The following GNAZ variants were observed in gnomAD, a reference collection of about 807,000 sequenced individuals.
GNAZ encodes the protein guanine nucleotide-binding protein G(z) subunit alpha.
Under a neutral mutation model 25.4 loss-of-function variants are expected in GNAZ, and 3 were observed. That is an observed-to-expected ratio of 0.12 (90% CI 0.05 to 0.30). GNAZ has a LOEUF of 0.30. Among genes scored for constraint, GNAZ ranks in the 10% least tolerant of loss-of-function variants. The pLI is 1.00. For synonymous variants in GNAZ, 211 were observed against 205.7 expected, an observed-to-expected ratio of 1.03 and a Z score of -0.22; for missense variants, 241 against 501.8, an observed-to-expected ratio of 0.48 and a Z score of 4.97.
intron 1 of GNAZ, among the ~76,000 whole-genome samples, chr22:23,090,489 C>T (rs1373412652): frequency 1.3e-5 from 2 of 152,174 alleles, no homozygotes; most frequent in Non-Finnish European, 2.9e-5. Flanking sequence ...TCACACAGGG[C>T]AGGTCATGGC....
intron 2 of GNAZ, 97 bp downstream of exon 2, chr22:23,096,515 A>G: frequency 1.5e-6 from 2 of 1,306,918 alleles, no homozygotes; most frequent in East Asian, 2.3e-5. Flanking sequence ...TGCAGCCAGA[A>G]AGGGAACCAG....
intron 2 of GNAZ, among the ~76,000 whole-genome samples, chr22:23,109,397 C>T (rs1178049203): frequency 1.3e-5 from 2 of 152,198 alleles, no homozygotes; most frequent in African/African-American, 4.8e-5. Context: ...GGATCAGCTG[C>T]TGCTCCTCTC....
At chr22:23,119,693 G>A (rs575678239) in intron 2 of GNAZ, among the ~76,000 whole-genome samples, 2 of 152,350 alleles carry the variant, frequency 1.3e-5, no homozygotes, top group South Asian at 4.1e-4. Context: ...GGGACGCTGG[G>A]ATGGAGTGAG....
Position 23,123,777 on chromosome 22 carries a change from G to T in GNAZ, c.*346G>T. ...CTGAGTTGGCCCCACTCCACTTGGG[G>T]GTCTGCATTGGATTGTTAGGGATAG... is the stretch of plus-strand genomic sequence containing the variant. On this transcript the variant is annotated 3_prime_UTR_variant, in exon 3 of 3. Coordinates refer to ENST00000615612, the MANE Select transcript of GNAZ (RefSeq NM_002073.4). The T allele has an allele frequency of 3.3e-6, 1 of 301,506 alleles. No homozygotes were observed. Among genetic ancestry groups the T allele is most frequent in the Non-Finnish European group, 6.3e-6 (1 of 159,042 alleles). The allele number at this position is 301,506 out of a possible 1,614,324, so 18.7% of individuals were successfully genotyped here. A position where few individuals can be genotyped will look rare whatever the true frequency, so the allele number is the denominator to read the frequency against.
At chr22:23,107,242 C>T (rs1445056689) in intron 2 of GNAZ, among the ~76,000 whole-genome samples, 2 of 152,280 alleles carry the variant, frequency 1.3e-5, no homozygotes, top group East Asian at 3.9e-4. Flanking sequence ...CTGGACTCGG[C>T]TGGAACACAC....
chr22:23,093,072 A>C (rs1446856168), intron 1 of GNAZ, among the ~76,000 whole-genome samples: 5 of 152,250 alleles, frequency 3.3e-5, no homozygotes, highest in Non-Finnish European at 5.9e-5. Context: ...CAGGGTCTCC[A>C]TCCTCCATGC....
chr22:23,122,023 G>A (rs1190717233), intron 2 of GNAZ, among the ~76,000 whole-genome samples: 16 of 152,176 alleles, frequency 1.1e-4, no homozygotes, highest in East Asian at 1.9e-4. Flanking sequence ...GAGCCACGGC[G>A]CCTGGCCAGA....
At chr22:23,094,435 G>A (rs2069067086) in intron 1 of GNAZ, among the ~76,000 whole-genome samples, 1 of 152,184 alleles carries the variant, frequency 6.6e-6, no homozygotes, top group Admixed American at 6.5e-5. Flanking sequence ...GATTCTGCCT[G>A]AGGCCTCTAG....
chr22:23,113,581 C>G (rs149003838), intron 2 of GNAZ, among the ~76,000 whole-genome samples: 1 of 152,370 alleles, frequency 6.6e-6, no homozygotes, highest in African/African-American at 2.4e-5. Context: ...CGACTGATAC[C>G]ATCCTTGGAG....
rs1234589947 is a variant in GNAZ at position 23,071,645 on chromosome 22, C to G, written c.-450+1075C>G. On this transcript the variant is annotated intron_variant, in intron 1 of 2. Transcript: ENST00000615612. The surrounding 1 kb of genome is among the most constrained non-coding windows in gnomAD (Gnocchi z 4.1). ...GTGGACTGGGCCTGCCCTCCCAGGACTGATTGACCACCGCATAGGGGAAAA... is the reference window on the plus strand; with the variant it reads ...GTGGACTGGGCCTGCCCTCCCAGGAGTGATTGACCACCGCATAGGGGAAAA... Among the ~76,000 whole-genome samples the G allele has an allele frequency of 1.3e-5, 2 of 152,168 alleles. No individual in the cohort carries two copies. Among genetic ancestry groups the G allele is most frequent in the East Asian group, 3.9e-4 (2 of 5,182 alleles).
At chr22:23,120,651 CTG>C (rs1459025778) in intron 2 of GNAZ, among the ~76,000 whole-genome samples, 1 of 152,148 alleles carries the variant, frequency 6.6e-6, no homozygotes, top group Non-Finnish European at 1.5e-5. Flanking sequence ...AGCACCCACT[CTG>C]TGCTTGTCCC....
At chr22:23,096,764 C>T (rs2069137238) in intron 2 of GNAZ, among the ~76,000 whole-genome samples, 1 of 152,250 alleles carries the variant, frequency 6.6e-6, no homozygotes, top group South Asian at 2.1e-4. Context: ...GGTCCAGGAA[C>T]AGCAGCCACC....
intron 1 of GNAZ, among the ~76,000 whole-genome samples, chr22:23,087,585 C>T (rs1292378138): frequency 1.3e-5 from 2 of 152,110 alleles, no homozygotes; most frequent in Admixed American, 6.5e-5. Context: ...TGCAGGAGAC[C>T]GGAGTGTTAT....
intron 1 of GNAZ, among the ~76,000 whole-genome samples, chr22:23,088,117 A>T (rs1047913457): frequency 2.0e-5 from 3 of 152,224 alleles, no homozygotes; most frequent in Non-Finnish European, 2.9e-5. Flanking sequence ...GAGTCAGTTA[A>T]ATCTCTTTCA....
chr22:23,076,434 G>A (rs2068509372), intron 1 of GNAZ, among the ~76,000 whole-genome samples: 4 of 152,166 alleles, frequency 2.6e-5, no homozygotes, highest in Admixed American at 2.0e-4. Context: ...CTCGTGCGCT[G>A]CAGAACCCCT....
At position 23,118,907 on chromosome 22, in the gene GNAZ, A is replaced by G. The variant is rs139384444; in HGVS notation, c.724-4180A>G. Among the ~76,000 whole-genome samples the G allele has an allele frequency of 6.1e-3, 932 of 152,350 alleles. 7 individuals carry two copies. The highest frequency in any genetic ancestry group is 0.02 in the African/African-American group (851 of 41,588). ...GAAGGAGAACAGAGCCACATCCACC[A>G]AGGGCAGGAGGACCCAGGGGAGCCC... is the stretch of plus-strand genomic sequence containing the variant. On this transcript the variant is annotated intron_variant, in intron 2 of 2. Coordinates refer to ENST00000615612, the MANE Select transcript of GNAZ (RefSeq NM_002073.4).
intron 2 of GNAZ, among the ~76,000 whole-genome samples, chr22:23,118,694 G>A (rs1332570187): frequency 2.0e-5 from 3 of 152,246 alleles, no homozygotes; most frequent in African/African-American, 7.2e-5. Flanking sequence ...TGAATCCAGG[G>A]TCTGTCAGGC....
chr22:23,088,011 C>T (rs193088266), intron 1 of GNAZ, among the ~76,000 whole-genome samples: 10 of 152,284 alleles, frequency 6.6e-5, no homozygotes, highest in Admixed American at 3.9e-4. Flanking sequence ...GGGCTGTTAC[C>T]GTCTTTGTTT....
At chr22:23,076,560 C>G (rs1433531230) in intron 1 of GNAZ, among the ~76,000 whole-genome samples, 1 of 152,210 alleles carries the variant, frequency 6.6e-6, no homozygotes, top group African/African-American at 2.4e-5. Context: ...ATGCTACCAG[C>G]TGGGCCCCGT....
Sources: allele counts gnomAD v4.1 joint callset (sites outside exome capture counted in the v4.1 genomes callset), GRCh38; gene constraint gnomAD v4.1.1; non-coding constraint Gnocchi (gnomAD v3.1); transcripts MANE v1.5; gene names NCBI Gene and HGNC (gene_info 2026-07-23, HGNC 2026-07-21).